Variants in LMLN observed in about 807,000 individuals in gnomAD.
The protein encoded by LMLN is leishmanolysin like peptidase.
LMLN carries 70 observed loss-of-function variants against 92.3 expected under a neutral mutation model. That is an observed-to-expected ratio of 0.76 (90% CI 0.63 to 0.92). The LOEUF is 0.92. LMLN is among the 40% of genes least tolerant of loss of function. The pLI is 0.00. For missense variants in LMLN, 691 were observed against 814.6 expected (o/e 0.85, Z 1.85); for synonymous variants, 308 against 296.2 (o/e 1.04, Z -0.41).
chr3:198,028,270 G>A (rs547379082), intron 14 of LMLN, among the ~76,000 whole-genome samples: 5 of 151,822 alleles, frequency 3.3e-5, no homozygotes, highest in South Asian at 4.2e-4. Context: ...TCGATGAACC[G>A]ACATCATCAT....
chr3:197,990,220 G>A (rs988187697), intron 8 of LMLN, among the ~76,000 whole-genome samples: 7 of 151,678 alleles, frequency 4.6e-5, no homozygotes, highest in Non-Finnish European at 7.4e-5. Context: ...GCACTACTGC[G>A]CCCAGCTAAT....
intron 11 of LMLN, among the ~76,000 whole-genome samples, chr3:198,014,778 C>G (rs1722572795): frequency 2.2e-5 from 3 of 135,422 alleles, no homozygotes; most frequent in Non-Finnish European, 3.2e-5. Flanking sequence ...AGCCCCCTAA[C>G]TAGTCTGACT....
At chr3:197,964,308 A>C (rs1378652981) in intron 1 of LMLN, among the ~76,000 whole-genome samples, 2 of 152,096 alleles carry the variant, frequency 1.3e-5, no homozygotes, top group African/African-American at 2.4e-5. Context: ...CAAAGATATA[A>C]ATTTCTAAGT....
chr3:198,003,018 G>A, intron 11 of LMLN: 2 of 1,543,226 alleles, frequency 1.3e-6, no homozygotes, highest in Non-Finnish European at 1.8e-6. Flanking sequence ...TCCACAGCTG[G>A]TATAAAGCAA....
chr3:198,023,327 TACAGGC>T (rs1553825067), intron 13 of LMLN, among the ~76,000 whole-genome samples: 1 of 152,118 alleles, frequency 6.6e-6, no homozygotes, highest in Non-Finnish European at 1.5e-5. Flanking sequence ...GAGCCAGGAC[TACAGGC>T]ATGCACCTCC....
intron 1 of LMLN, among the ~76,000 whole-genome samples, chr3:197,962,524 G>A (rs527965685): frequency 1.4e-4 from 22 of 152,226 alleles, no homozygotes; most frequent in African/African-American, 5.1e-4. Context: ...GTCAAGGGTA[G>A]GTGAATGTTT....
At chr3:198,036,919 G>A (rs1390686168) in intron 15 of LMLN, among the ~76,000 whole-genome samples, 2 of 152,110 alleles carry the variant, frequency 1.3e-5, no homozygotes, top group Admixed American at 6.5e-5. Flanking sequence ...CCTTTGCCTA[G>A]TCCATGGTGT....
At chr3:198,012,031 A>T (rs1286119818) in intron 11 of LMLN, among the ~76,000 whole-genome samples, 1 of 152,192 alleles carries the variant, frequency 6.6e-6, no homozygotes, top group Non-Finnish European at 1.5e-5. Flanking sequence ...ATTTACAAGA[A>T]AAAAACAAAC....
At chr3:198,029,639 C>T (rs1199968480) in intron 14 of LMLN, among the ~76,000 whole-genome samples, 1 of 152,148 alleles carries the variant, frequency 6.6e-6, no homozygotes, top group Non-Finnish European at 1.5e-5. Context: ...CACCACTGCA[C>T]TCCAGCCCGG....
chr3:198,021,562 A>T, exon 13 of LMLN: 1 of 1,614,170 alleles, frequency 6.2e-7, no homozygotes, highest in African/African-American at 1.3e-5. Flanking sequence ...TAAGTGGTGA[A>T]TATCAGCGCA....
chr3:198,024,569 A>G (rs1261696990), intron 13 of LMLN, 89 bp from the exon 15 acceptor site: 1 of 1,206,480 alleles, frequency 8.3e-7, no homozygotes, highest in Non-Finnish European at 1.1e-6. Flanking sequence ...TTTTTAAAGC[A>G]ACTTTTAATC....
chr3:197,976,639 C>A, exon 5 of LMLN: 1 of 1,599,948 alleles, frequency 6.3e-7, no homozygotes, highest in South Asian at 1.1e-5. Context: ...GAAAACGATC[C>A]TCACAGGTAC....
chr3:198,039,509 G>C (rs548597502), exon 16 of LMLN: 78 of 152,510 alleles, frequency 5.1e-4, no homozygotes, highest in African/African-American at 1.8e-3. Flanking sequence ...TGAGGCAGGA[G>C]GATCGCTTGA....
At chr3:198,029,003 T>C (rs1199352730) in intron 14 of LMLN, among the ~76,000 whole-genome samples, 1 of 152,232 alleles carries the variant, frequency 6.6e-6, no homozygotes, top group Non-Finnish European at 1.5e-5. Context: ...TGGTTGTACT[T>C]TGATCATTCT....
intron 14 of LMLN, among the ~76,000 whole-genome samples, chr3:198,030,355 T>C (rs1723046114): frequency 6.6e-6 from 1 of 152,242 alleles, no homozygotes; most frequent in African/African-American, 2.4e-5. Context: ...TTACCAGGAC[T>C]ATGCAGACGT....
chr3:198,010,088 C>A (rs528528178), intron 11 of LMLN, among the ~76,000 whole-genome samples: 1 of 152,152 alleles, frequency 6.6e-6, no homozygotes, highest in South Asian at 2.1e-4. Flanking sequence ...TTTTCAAATT[C>A]ATTGATTTCT....
At chr3:197,980,486 A>T in exon 6 of LMLN, 1 of 1,613,772 alleles carries the variant, frequency 6.2e-7, no homozygotes, top group Non-Finnish European at 8.5e-7. Context: ...TATTGTCAGC[A>T]GGAAGCAAAC....
chr3:198,037,574 C>T (rs1464780385), intron 15 of LMLN, among the ~76,000 whole-genome samples: 4 of 152,064 alleles, frequency 2.6e-5, no homozygotes, highest in South Asian at 2.1e-4. Flanking sequence ...CACTTGAACC[C>T]GGGAGGCGGA....
intron 1 of LMLN, among the ~76,000 whole-genome samples, chr3:197,973,829 T>C (rs1189155487): frequency 1.3e-5 from 2 of 152,248 alleles, no homozygotes; most frequent in Admixed American, 1.3e-4. Flanking sequence ...GTATACAGCT[T>C]ACTTTTAGTT....
Sources: allele counts gnomAD v4.1 joint callset (sites outside exome capture counted in the v4.1 genomes callset), GRCh38; gene constraint gnomAD v4.1.1; transcripts MANE v1.5; gene names NCBI Gene and HGNC (gene_info 2026-07-23, HGNC 2026-07-21).